IRAG2: variants seen among roughly 807,000 people sequenced by gnomAD.
The protein encoded by IRAG2 is lymphoid restricted membrane protein.
IRAG2 carries 45 observed loss-of-function variants against 69.9 expected under a neutral mutation model. The observed-to-expected ratio is 0.64, with a 90% CI of 0.51 to 0.83. The LOEUF is 0.83. IRAG2 is among the 40% of genes least tolerant of loss of function. The probability of loss-of-function intolerance (pLI) is 0.00; values close to 1 mark genes in which losing one functional copy is unlikely to be tolerated. For synonymous variants in IRAG2, 193 were observed against 202.4 expected (o/e 0.95, Z 0.40); for missense variants, 520 against 587.0 (o/e 0.89, Z 1.18).
At chr12:25,015,161 T>C in intron 3 of IRAG2, 1 of 1,010,856 alleles carries the variant, frequency 9.9e-7, no homozygotes, top group Non-Finnish European at 1.2e-6. Flanking sequence ...TTTTGTTTTT[T>C]TTTTTTTTTT....
chr12:25,048,955 G>A (rs547341924), upstream of IRAG2, among the ~76,000 whole-genome samples: 2 of 152,110 alleles, frequency 1.3e-5, no homozygotes, highest in Non-Finnish European at 2.9e-5. Context: ...TTGAGGAAGG[G>A]GACCAGTTTC....
chr12:25,043,992 AAACACAG>A (rs1240915595), intron 16 of IRAG2, among the ~76,000 whole-genome samples: 1 of 152,228 alleles, frequency 6.6e-6, no homozygotes, highest in East Asian at 1.9e-4. Context: ...AAGAAAATAC[AAACACAG>A]AACACTGTAA....
At chr12:25,017,163 C>A in exon 6 of IRAG2, 3 of 1,232,004 alleles carry the variant, frequency 2.4e-6, no homozygotes, top group Non-Finnish European at 3.0e-6. Context: ...GCCTACGTAG[C>A]AGACCTTCAT....
chr12:25,077,343 T>TATATGAA (rs1565563479), intron 6 of IRAG2, among the ~76,000 whole-genome samples: 4 of 54,760 alleles, frequency 7.3e-5, no homozygotes, highest in Non-Finnish European at 8.0e-5. Context: ...ATATATGAAA[T>TATATGAA]ATATATATGA....
At chr12:25,041,991 G>A (rs1179697381) in intron 16 of IRAG2, among the ~76,000 whole-genome samples, 1 of 127,216 alleles carries the variant, frequency 7.9e-6, no homozygotes, top group Non-Finnish European at 1.7e-5. Flanking sequence ...GTGTGTGTGT[G>A]TATGTGTATG....
chr12:25,005,454 A>C, intron 2 of IRAG2: 3 of 468,052 alleles, frequency 6.4e-6, no homozygotes, highest in Non-Finnish European at 1.0e-5. Flanking sequence ...TGTGGGTCTC[A>C]TTGTCTGCGT....
intron 6 of IRAG2, among the ~76,000 whole-genome samples, chr12:25,077,283 TATG>T (rs1236536070): frequency 1.2e-5 from 1 of 80,984 alleles, no homozygotes; most frequent in African/African-American, 4.4e-5. Context: ...ATGAAATATA[TATG>T]ATATATATAT....
chr12:25,014,233 ATAT>A (rs1439699986), intron 3 of IRAG2, among the ~76,000 whole-genome samples: 1 of 152,126 alleles, frequency 6.6e-6, no homozygotes, highest in African/African-American at 2.4e-5. Context: ...TATAATAAAA[ATAT>A]TAATAATTAT....
chr12:25,001,455 T>C (rs1448394315), upstream of IRAG2, among the ~76,000 whole-genome samples: 1 of 151,288 alleles, frequency 6.6e-6, no homozygotes, highest in Non-Finnish European at 1.5e-5. Context: ...CGAAAATAAA[T>C]AAACAAATGA....
At chr12:25,040,698 A>G (rs1450170398) in intron 16 of IRAG2, among the ~76,000 whole-genome samples, 1 of 152,172 alleles carries the variant, frequency 6.6e-6, no homozygotes, top group Non-Finnish European at 1.5e-5. Flanking sequence ...ATGCTGAAGA[A>G]TGGAAATAAT....
At chr12:25,040,051 T>A (rs1944735369) in intron 16 of IRAG2, among the ~76,000 whole-genome samples, 1 of 152,218 alleles carries the variant, frequency 6.6e-6, no homozygotes, top group African/African-American at 2.4e-5. Context: ...ACTTGTTAAA[T>A]CTGATACAAG....
intron 16 of IRAG2, among the ~76,000 whole-genome samples, chr12:25,046,461 C>CA (rs963136291): frequency 1.6e-4 from 24 of 152,004 alleles, no homozygotes; most frequent in South Asian, 2.1e-4. Context: ...AATGATTTCA[C>CA]AAAAAAACCT....
rs141931656 is a variant in IRAG2 at position 25,005,964 on chromosome 12, A to T, written c.688+610A>T. ...TAAACAATCTACAGAGAGGTAGAAG[A>T]TATTCACAACCATGCATGTGACAAA... On this transcript the variant is annotated intron_variant, in intron 2 of 38. Transcript: ENST00000636465. Among the ~76,000 whole-genome samples the T allele has an allele frequency of 2.4e-4, 37 of 152,326 alleles. 1 individual carries two copies. Among genetic ancestry groups the T allele is most frequent in the African/African-American group, 8.7e-4 (36 of 41,574 alleles).
At chr12:25,037,910 C>A (rs1303857746) in intron 15 of IRAG2, 1 of 397,816 alleles carries the variant, frequency 2.5e-6, no homozygotes, top group Admixed American at 4.4e-5. Context: ...TTTTAGATTG[C>A]CTCTGTCATT....
intron 15 of IRAG2, chr12:25,037,852 A>T (rs1944714028): frequency 5.0e-6 from 2 of 396,836 alleles, no homozygotes; most frequent in Non-Finnish European, 4.4e-6. Flanking sequence ...ACTCATTGAC[A>T]TACAGTTTTG....
Position 25,069,287 on chromosome 12 carries a change from T to G in IRAG2, c.-58-63T>G, listed in dbSNP as rs550783427. ...GGGGAGTGAGAACCATGTTATAGTTTAGTATCTGCTAAGATTTGCAGTTTT... is the reference window on the plus strand; with the variant it reads ...GGGGAGTGAGAACCATGTTATAGTTGAGTATCTGCTAAGATTTGCAGTTTT... On this transcript the variant is annotated intron_variant, in intron 5 of 21. Coordinates refer to ENST00000556887, the MANE Select transcript of IRAG2 (RefSeq NM_001366544.2). 59 of 732,566 alleles carry G rather than the reference T, an allele frequency of 8.1e-5. No individual in the cohort carries two copies. In the Admixed American group the frequency reaches 9.3e-4, roughly 12 times the overall value. 45.4% of individuals were successfully genotyped at this position (732,566 alleles called of 1,614,324 possible).
upstream of IRAG2, among the ~76,000 whole-genome samples, chr12:25,048,671 C>G (rs1372570353): frequency 1.3e-5 from 2 of 152,120 alleles, no homozygotes; most frequent in African/African-American, 4.8e-5. Flanking sequence ...AAACCTTTGT[C>G]CAATGGATAG....
chr12:25,102,621 C>T, intron 17 of IRAG2: 1 of 187,068 alleles, frequency 5.3e-6, no homozygotes, highest in Non-Finnish European at 1.1e-5. Flanking sequence ...TAGATCCAGG[C>T]ACCAAGCCCT....
At chr12:25,077,343 T>TATATG (rs1565563479) in intron 6 of IRAG2, among the ~76,000 whole-genome samples, 1,605 of 54,294 alleles carry the variant, frequency 0.03, 176 homozygotes, top group Non-Finnish European at 0.049. Context: ...ATATATGAAA[T>TATATG]ATATATATGA....
Sources: gnomAD v4.1 joint callset for allele counts (sites outside exome capture counted in the v4.1 genomes callset) on GRCh38, gnomAD v4.1.1 for gene constraint, MANE v1.5 for transcripts, NCBI Gene and HGNC (gene_info 2026-07-23, HGNC 2026-07-21) for gene names.